Variants in SFMBT2 observed in about 807,000 individuals in gnomAD.
SFMBT2 encodes the protein Scm like with four mbt domains 2, also known as scm-like with four MBT domains protein 2.
SFMBT2 carries 38 observed loss-of-function variants against 110.1 expected under a neutral mutation model. The ratio of observed to expected loss-of-function variants is 0.35; its 90% CI spans 0.27 to 0.45. SFMBT2 has a LOEUF of 0.45. Ranked by LOEUF, SFMBT2 falls within the 20% of genes least tolerant of loss-of-function variation. The pLI is 1.00. For missense variants in SFMBT2, 1,011 were observed against 1,094.9 expected, an observed-to-expected ratio of 0.92 and a Z score of 1.08; for synonymous variants, 425 against 425.4, an observed-to-expected ratio of 1.00 and a Z score of 0.01.
At chr10:7,258,762 C>A (rs894541098) in intron 7 of SFMBT2, among the ~76,000 whole-genome samples, 1 of 152,194 alleles carries the variant, frequency 6.6e-6, no homozygotes, top group Non-Finnish European at 1.5e-5. Flanking sequence ...GAAAATTACT[C>A]CCGTAATACT....
chr10:7,300,563 C>G (rs1441443370), intron 4 of SFMBT2, among the ~76,000 whole-genome samples: 5 of 152,188 alleles, frequency 3.3e-5, no homozygotes. Flanking sequence ...CCCTGCCCAC[C>G]CAGCCCGGGA....
intron 20 of SFMBT2, among the ~76,000 whole-genome samples, chr10:7,164,768 CACACACACACACACACACACACA>C (rs1837650627): frequency 6.6e-6 from 1 of 151,136 alleles, no homozygotes; most frequent in African/African-American, 2.4e-5. Flanking sequence ...CACACACACA[CACACACACACACACACACACACA>C]CCATTTACAG....
intron 4 of SFMBT2, among the ~76,000 whole-genome samples, chr10:7,317,389 T>A (rs1843046538): frequency 6.6e-6 from 1 of 152,104 alleles, no homozygotes; most frequent in African/African-American, 2.4e-5. Flanking sequence ...ACACCTGTAA[T>A]CGCAGCACTT....
At chr10:7,366,070 C>T (rs2767700) in intron 4 of SFMBT2, among the ~76,000 whole-genome samples, 33,005 of 152,070 alleles carry the variant, frequency 0.22, 4,673 homozygotes, top group African/African-American at 0.4. Context: ...TGACCTGGCC[C>T]ATGAGCACAG....
intron 4 of SFMBT2, among the ~76,000 whole-genome samples, chr10:7,329,968 T>A (rs1487327355): frequency 2.0e-5 from 3 of 152,064 alleles, no homozygotes; most frequent in Non-Finnish European, 4.4e-5. Context: ...AATTCTAGAG[T>A]CAGATTTTAA....
chr10:7,217,044 T>G (rs752532469), intron 11 of SFMBT2, among the ~76,000 whole-genome samples: 9 of 152,252 alleles, frequency 5.9e-5, no homozygotes, highest in Non-Finnish European at 1.2e-4. Flanking sequence ...TAAAGCATTA[T>G]TTATGATTGA....
At chr10:7,300,757 C>T (rs1380691985) in intron 4 of SFMBT2, among the ~76,000 whole-genome samples, 1 of 152,204 alleles carries the variant, frequency 6.6e-6, no homozygotes, top group Non-Finnish European at 1.5e-5. Flanking sequence ...GGCAAATGCA[C>T]AAATGTATTT....
In SFMBT2 at chr10:7,171,102, G is replaced by A; in HGVS notation, c.2416-46C>T. Reference sequence around the variant, plus strand: ...GAGCTCAGCTGCGGCACAGTCAGCTGGCTGGGTCCTCTCCAGCACTCTCCA... The same window carrying A: ...GAGCTCAGCTGCGGCACAGTCAGCTAGCTGGGTCCTCTCCAGCACTCTCCA... On this transcript the variant is annotated intron_variant, in intron 19 of 20. Coordinates refer to ENST00000397167, the MANE Select transcript of SFMBT2 (RefSeq NM_001387889.1). The surrounding 1 kb of genome is among the most constrained non-coding windows in gnomAD (Gnocchi z 4.9). 2 of 1,612,806 alleles carry A rather than the reference G, an allele frequency of 1.2e-6. No individual in the cohort carries two copies. Among genetic ancestry groups the A allele is most frequent in the Non-Finnish European group, 1.7e-6 (2 of 1,179,644 alleles).
chr10:7,184,303 C>G (rs896901457), intron 16 of SFMBT2, among the ~76,000 whole-genome samples: 3 of 152,034 alleles, frequency 2.0e-5, no homozygotes, highest in Admixed American at 1.3e-4. Context: ...GGGCAGTTTC[C>G]CCCATACTTT....
intron 9 of SFMBT2, among the ~76,000 whole-genome samples, chr10:7,242,637 G>A (rs1332723086): frequency 2.0e-5 from 3 of 152,060 alleles, no homozygotes; most frequent in Non-Finnish European, 4.4e-5. Context: ...GGACAAATAT[G>A]GGGAAAAATG....
At chr10:7,213,729 G>C (rs553755921) in intron 11 of SFMBT2, among the ~76,000 whole-genome samples, 1 of 141,098 alleles carries the variant, frequency 7.1e-6, no homozygotes, top group South Asian at 2.1e-4. Context: ...GGCCATGGGC[G>C]CGGGCACTCA....
At chr10:7,327,856 T>C (rs1843443295) in intron 4 of SFMBT2, among the ~76,000 whole-genome samples, 1 of 152,218 alleles carries the variant, frequency 6.6e-6, no homozygotes, top group Admixed American at 6.5e-5. Flanking sequence ...GTTTGTCATT[T>C]GTCCATTCAC....
chr10:7,368,324 A>T (rs1431477520), intron 3 of SFMBT2: 2 of 984,960 alleles, frequency 2.0e-6, no homozygotes, highest in Non-Finnish European at 2.4e-6. Flanking sequence ...TCCATGAACA[A>T]CATGGCCCTA....
chr10:7,269,987 C>T (rs774742387), intron 7 of SFMBT2, among the ~76,000 whole-genome samples: 4 of 151,806 alleles, frequency 2.6e-5, no homozygotes, highest in African/African-American at 4.8e-5. Flanking sequence ...ACATGAAATG[C>T]GATCAGATTG....
At chr10:7,197,049 A>G (rs1001751866) in intron 15 of SFMBT2, among the ~76,000 whole-genome samples, 1 of 152,122 alleles carries the variant, frequency 6.6e-6, no homozygotes, top group Admixed American at 6.5e-5. Context: ...TGAAATACTT[A>G]CCATTACCTC....
chr10:7,365,031 G>A (rs529034651), intron 4 of SFMBT2, among the ~76,000 whole-genome samples: 3 of 152,248 alleles, frequency 2.0e-5, no homozygotes, highest in Non-Finnish European at 4.4e-5. Context: ...TAATTCAAAG[G>A]CAGATCTAAC....
At chr10:7,214,563 G>A (rs770505468) in intron 11 of SFMBT2, 88 of 985,292 alleles carry the variant, frequency 8.9e-5, no homozygotes, top group African/African-American at 1.6e-4. Context: ...GAAATTCTAC[G>A]GACTTATGGG....
chr10:7,305,239 C>T (rs955960818), intron 4 of SFMBT2, among the ~76,000 whole-genome samples: 70 of 152,312 alleles, frequency 4.6e-4, no homozygotes, highest in African/African-American at 1.6e-3. Context: ...TTTCCACGTG[C>T]AAAGTACTTG....
intron 1 of SFMBT2, among the ~76,000 whole-genome samples, 38 bp downstream of exon 1, chr10:7,410,823 C>A (rs1846357619): frequency 6.6e-6 from 1 of 151,586 alleles, no homozygotes; most frequent in Non-Finnish European, 1.5e-5. Flanking sequence ...CTCCGGCCAG[C>A]CTGGGCGCCG....
Sources: allele counts gnomAD v4.1 joint callset (sites outside exome capture counted in the v4.1 genomes callset), GRCh38; gene constraint gnomAD v4.1.1; non-coding constraint Gnocchi (gnomAD v3.1); transcripts MANE v1.5; gene names NCBI Gene and HGNC (gene_info 2026-07-23, HGNC 2026-07-21).